The following EFHC2 variants were observed in gnomAD, a reference collection of about 807,000 sequenced individuals.
EFHC2 encodes EF-hand domain containing 2, also known as EF-hand domain-containing family member C2.
Under a neutral mutation model 52.7 loss-of-function variants are expected in EFHC2, and 18 were observed. The ratio of observed to expected loss-of-function variants is 0.34; its 90% CI spans 0.24 to 0.51. The LOEUF (loss-of-function observed/expected upper bound fraction) is 0.51, where lower values mean the gene tolerates loss of function less well. Among genes scored for constraint, EFHC2 ranks in the 20% least tolerant of loss-of-function variants. The probability of loss-of-function intolerance (pLI) is 0.97; values close to 1 mark genes in which losing one functional copy is unlikely to be tolerated. For missense variants in EFHC2, 513 were observed against 562.5 expected (o/e 0.91, Z 0.89); for synonymous variants, 203 against 204.1 (o/e 0.99, Z 0.04).
At chrX:44,333,895 A>T (rs2038102772) in intron 1 of EFHC2, among the ~76,000 whole-genome samples, 1 of 111,554 alleles carries the variant, frequency 9.0e-6, no homozygotes, top group Admixed American at 9.6e-5. Flanking sequence ...GAACATGGTT[A>T]CATGTAGTTG....
rs184018441 is a variant in EFHC2 at position 44,305,257 on chromosome X, G to A, written c.231+7311C>T. Reference sequence around the variant, plus strand: ...AGCCTGGGCAACAGAGCGAGATTCCGCCTCAAAAAAAAATAATAAAATAAA... The same window carrying A: ...AGCCTGGGCAACAGAGCGAGATTCCACCTCAAAAAAAAATAATAAAATAAA... On this transcript the variant is annotated intron_variant, in intron 2 of 14. Transcript: ENST00000420999. Among the ~76,000 whole-genome samples the A allele has an allele frequency of 2.5e-3, 279 of 109,486 alleles. 2 individuals carry two copies. The highest frequency in any genetic ancestry group is 8.6e-3 in the African/African-American group (259 of 30,081).
At chrX:44,227,365 A>C (rs1276913626) in intron 11 of EFHC2, among the ~76,000 whole-genome samples, 1 of 111,042 alleles carries the variant, frequency 9.0e-6, no homozygotes, top group Non-Finnish European at 1.9e-5. Context: ...AGGTGCAGGG[A>C]CCATTTGTGG....
chrX:44,285,115 C>T (rs933250803), intron 2 of EFHC2: 1 of 111,877 alleles, frequency 8.9e-6, no homozygotes, highest in Non-Finnish European at 1.9e-5. Flanking sequence ...TGGGCAGCAG[C>T]AGTAACACAT....
chrX:44,170,939 T>G, intron 13 of EFHC2, among the ~76,000 whole-genome samples: 1 of 112,751 alleles, frequency 8.9e-6, no homozygotes, highest in Middle Eastern at 4.6e-3. Context: ...TTCTGGCTTT[T>G]AAGTGTTTCT....
chrX:44,307,207 G>C (rs1043164736), intron 2 of EFHC2, among the ~76,000 whole-genome samples: 1 of 111,370 alleles, frequency 9.0e-6, no homozygotes, highest in African/African-American at 3.3e-5. Flanking sequence ...TGGGCACAAA[G>C]AGCATCTACT....
At chrX:44,187,821 A>T (rs1028883289) in intron 11 of EFHC2, among the ~76,000 whole-genome samples, 7 of 110,153 alleles carry the variant, frequency 6.4e-5, no homozygotes, top group Non-Finnish European at 1.3e-4. Flanking sequence ...AATTTAAAAG[A>T]AACTAACACT....
chrX:44,214,305 C>T (rs2037126080), intron 11 of EFHC2, among the ~76,000 whole-genome samples: 1 of 111,925 alleles, frequency 8.9e-6, no homozygotes, highest in Non-Finnish European at 1.9e-5. Flanking sequence ...AAAAATACTG[C>T]ACCTAGGCAT....
intron 7 of EFHC2, among the ~76,000 whole-genome samples, chrX:44,245,685 A>G (rs752590343): frequency 8.9e-6 from 1 of 112,311 alleles, no homozygotes; most frequent in Non-Finnish European, 1.9e-5. Context: ...TGAAGGAATC[A>G]TCTTAAGAGA....
intron 11 of EFHC2, among the ~76,000 whole-genome samples, chrX:44,225,261 A>C (rs1387223218): frequency 1.8e-5 from 2 of 110,052 alleles, no homozygotes; most frequent in Non-Finnish European, 3.8e-5. Context: ...AAAAAAAAAA[A>C]AAACAAAAAC....
chrX:44,240,936 G>A (rs2037354786), intron 8 of EFHC2, among the ~76,000 whole-genome samples: 1 of 112,068 alleles, frequency 8.9e-6, no homozygotes, highest in African/African-American at 3.2e-5. Flanking sequence ...TCATGTCATA[G>A]CAAAGGCAGA....
At chrX:44,177,093 T>TG (rs899836610) in intron 12 of EFHC2, among the ~76,000 whole-genome samples, 1 of 111,753 alleles carries the variant, frequency 8.9e-6, no homozygotes, top group Non-Finnish European at 1.9e-5. Context: ...TCAGGCTATC[T>TG]GGTCAAGCAG....
chrX:44,213,385 C>T (rs1382666622), intron 11 of EFHC2, among the ~76,000 whole-genome samples: 3 of 111,251 alleles, frequency 2.7e-5, no homozygotes, highest in Middle Eastern at 4.6e-3. Context: ...ACCAGTGGCC[C>T]GTGACACAGC....
chrX:44,176,640 T>C (rs1249403107), intron 12 of EFHC2, among the ~76,000 whole-genome samples: 3 of 112,414 alleles, frequency 2.7e-5, no homozygotes, highest in Non-Finnish European at 5.6e-5. Context: ...TTGGTGACAG[T>C]ACAGCCTATT....
chrX:44,276,606 A>G (rs2037659854), intron 2 of EFHC2, among the ~76,000 whole-genome samples: 2 of 112,218 alleles, frequency 1.8e-5, no homozygotes, highest in Non-Finnish European at 3.8e-5. Flanking sequence ...TTTGATGGGA[A>G]GTAGTTCTAA....
chrX:44,214,253 G>A (rs2037125527), intron 11 of EFHC2, among the ~76,000 whole-genome samples: 1 of 111,786 alleles, frequency 8.9e-6, no homozygotes, highest in Non-Finnish European at 1.9e-5. Context: ...CAACAGACAC[G>A]ATAAATGCCG....
intron 2 of EFHC2, among the ~76,000 whole-genome samples, chrX:44,302,252 C>T (rs1181250435): frequency 9.0e-6 from 1 of 111,372 alleles, no homozygotes; most frequent in African/African-American, 3.3e-5. Context: ...TTCAAAAAGA[C>T]AATTTTAACT....
intron 8 of EFHC2, among the ~76,000 whole-genome samples, chrX:44,240,406 C>T (rs186235748): frequency 8.9e-6 from 1 of 112,151 alleles, no homozygotes; most frequent in Non-Finnish European, 1.9e-5. Flanking sequence ...CAAGTTTACC[C>T]AGTGTAGACA....
intron 14 of EFHC2, among the ~76,000 whole-genome samples, chrX:44,160,317 GAGAAAA>G (rs1212598723): frequency 2.7e-5 from 3 of 110,836 alleles, no homozygotes; most frequent in African/African-American, 9.9e-5. Context: ...CAAAAGAGAG[GAGAAAA>G]AGAGGTGGTG....
intron 11 of EFHC2, among the ~76,000 whole-genome samples, chrX:44,207,059 A>G (rs928409726): frequency 1.8e-5 from 2 of 111,971 alleles, no homozygotes; most frequent in Non-Finnish European, 3.8e-5. Context: ...TCAGAAATAA[A>G]GCCACATACC....
Sources: gnomAD v4.1 joint callset for allele counts (sites outside exome capture counted in the v4.1 genomes callset) on GRCh38, gnomAD v4.1.1 for gene constraint, MANE v1.5 for transcripts, NCBI Gene and HGNC (gene_info 2026-07-23, HGNC 2026-07-21) for gene names.